C13orf42: variants seen among roughly 807,000 people sequenced by gnomAD.
C13orf42 encodes chromosome 13 open reading frame 42.
intron 1 of C13orf42, among the ~76,000 whole-genome samples, chr13:51,126,340 A>G (rs987728334): frequency 5.9e-5 from 9 of 152,218 alleles, no homozygotes; most frequent in South Asian, 2.1e-4. Flanking sequence ...GTTGACTGCC[A>G]TTTAAATGGC....
At chr13:51,117,170 C>A (rs1953498735) in intron 1 of C13orf42, among the ~76,000 whole-genome samples, 2 of 152,170 alleles carry the variant, frequency 1.3e-5, no homozygotes, top group Admixed American at 1.3e-4. Flanking sequence ...TGGACAGCAG[C>A]CAGTGAACAG....
intron 1 of C13orf42, among the ~76,000 whole-genome samples, chr13:51,153,462 CAGAGAT>C (rs1205735711): frequency 2.0e-5 from 3 of 150,950 alleles, no homozygotes; most frequent in East Asian, 1.9e-4. Flanking sequence ...GAGAGAGAGA[CAGAGAT>C]AGAGACTGTG....
intron 1 of C13orf42, among the ~76,000 whole-genome samples, chr13:51,143,938 T>C (rs1018565020): frequency 6.6e-6 from 1 of 152,200 alleles, no homozygotes; most frequent in Non-Finnish European, 1.5e-5. Flanking sequence ...ACTCCTGTAA[T>C]TCTGATATAA....
At chr13:51,170,053 T>G (rs1953934689) in intron 1 of C13orf42, among the ~76,000 whole-genome samples, 1 of 152,132 alleles carries the variant, frequency 6.6e-6, no homozygotes, top group South Asian at 2.1e-4. Flanking sequence ...GACACTACCT[T>G]GTGAAAGTCC....
At chr13:51,112,932 C>T (rs1953449220), upstream of C13orf42, among the ~76,000 whole-genome samples, 1 of 152,172 alleles carries the variant, frequency 6.6e-6, no homozygotes, top group South Asian at 2.1e-4. Context: ...TACCTTGACT[C>T]ATGCATAATA....
At chr13:51,093,529 C>T (rs2137982095) in intron 1 of C13orf42, among the ~76,000 whole-genome samples, 1 of 152,218 alleles carries the variant, frequency 6.6e-6, no homozygotes, top group East Asian at 1.9e-4. Flanking sequence ...TACTGAATTG[C>T]AAAGTTCAGA....
chr13:51,093,255 T>G (rs998890153), intron 1 of C13orf42, among the ~76,000 whole-genome samples: 5 of 152,202 alleles, frequency 3.3e-5, no homozygotes, highest in Non-Finnish European at 5.9e-5. Context: ...TCTCACATTC[T>G]GGATTTGACT....
At chr13:51,086,287 T>G in intron 2 of C13orf42, among the ~76,000 whole-genome samples, 1 of 135,720 alleles carries the variant, frequency 7.4e-6, no homozygotes, top group Non-Finnish European at 1.5e-5. Flanking sequence ...GCCTGGGCGA[T>G]GGAGCGAGAC....
chr13:51,096,048 G>A (rs73483802), intron 1 of C13orf42, among the ~76,000 whole-genome samples: 2,632 of 152,178 alleles, frequency 0.017, 81 homozygotes, highest in African/African-American at 0.061. Context: ...TAAGATTTTA[G>A]CTGGGACTGG....
intron 1 of C13orf42, among the ~76,000 whole-genome samples, chr13:51,160,464 G>A (rs1953855795): frequency 6.6e-6 from 1 of 152,198 alleles, no homozygotes; most frequent in South Asian, 2.1e-4. Flanking sequence ...AGCCGTGATT[G>A]CACCATTGCA....
chr13:51,158,059 G>C (rs1248595862), intron 1 of C13orf42, among the ~76,000 whole-genome samples: 3 of 152,218 alleles, frequency 2.0e-5, no homozygotes, highest in Non-Finnish European at 2.9e-5. Flanking sequence ...GCCTTACACA[G>C]TGGACTTTGT....
intron 1 of C13orf42, among the ~76,000 whole-genome samples, chr13:51,149,992 T>A (rs1322506229): frequency 6.6e-6 from 1 of 152,240 alleles, no homozygotes; most frequent in African/African-American, 2.4e-5. Context: ...GAACTTTGCA[T>A]GGATAAATGA....
In C13orf42 at chr13:51,158,915, T is replaced by G. The variant is rs1953842834; in HGVS notation, n.136+13338A>C. Reference sequence around the variant, plus strand: ...AAAGAGAATGTTCTGCCAAATAATTTTTTCCAATGACAGTGGTTTTCCTTC... The same window carrying G: ...AAAGAGAATGTTCTGCCAAATAATTGTTTCCAATGACAGTGGTTTTCCTTC... On this transcript the variant is annotated intron_variant and non_coding_transcript_variant, in intron 1 of 4. Transcript: ENST00000433280. Among the ~76,000 whole-genome samples, 2 of 152,212 alleles carry G rather than the reference T, an allele frequency of 1.3e-5. 1 individual carries two copies. Among genetic ancestry groups the G allele is most frequent in the South Asian group, 4.1e-4 (2 of 4,824 alleles).
At chr13:51,162,718 C>T (rs1391723141) in intron 1 of C13orf42, among the ~76,000 whole-genome samples, 1 of 152,180 alleles carries the variant, frequency 6.6e-6, no homozygotes, top group Non-Finnish European at 1.5e-5. Context: ...CTAAATGCAA[C>T]TGGGCTGTGA....
chr13:51,144,685 G>T (rs1953721387), intron 1 of C13orf42, among the ~76,000 whole-genome samples: 3 of 152,186 alleles, frequency 2.0e-5, no homozygotes, highest in African/African-American at 7.2e-5. Flanking sequence ...GTGACCTGTG[G>T]TAAGTAAAGA....
chr13:51,096,316 A>G (rs1347864624), intron 1 of C13orf42, among the ~76,000 whole-genome samples: 1 of 152,000 alleles, frequency 6.6e-6, no homozygotes, highest in Non-Finnish European at 1.5e-5. Context: ...GAGGGCATTC[A>G]CTGTTTTCTG....
chr13:51,124,435 A>C (rs1000160233), intron 1 of C13orf42, among the ~76,000 whole-genome samples: 3 of 152,132 alleles, frequency 2.0e-5, no homozygotes, highest in Admixed American at 6.5e-5. Context: ...GCGGTTACAT[A>C]ATGAGGAGGT....
At chr13:51,157,049 T>C (rs1953829608) in intron 1 of C13orf42, among the ~76,000 whole-genome samples, 1 of 152,226 alleles carries the variant, frequency 6.6e-6, no homozygotes, top group Non-Finnish European at 1.5e-5. Flanking sequence ...AAATTGTAAA[T>C]GCACAGCTCC....
chr13:51,109,982 C>A (rs1240575812), intron 1 of C13orf42, among the ~76,000 whole-genome samples: 2 of 152,222 alleles, frequency 1.3e-5, no homozygotes, highest in Non-Finnish European at 2.9e-5. Context: ...GAGATAAATG[C>A]AAATTATTTC....
Sources: gnomAD v4.1 joint callset for allele counts (sites outside exome capture counted in the v4.1 genomes callset) on GRCh38, gnomAD v4.1.1 for gene constraint, MANE v1.5 for transcripts, NCBI Gene and HGNC (gene_info 2026-07-23, HGNC 2026-07-21) for gene names.